The following SDK1 variants were observed in gnomAD, a reference collection of about 807,000 sequenced individuals.
The protein encoded by SDK1 is sidekick cell adhesion molecule 1, also known as protein sidekick-1.
SDK1 carries 157 observed loss-of-function variants against 245.5 expected under a neutral mutation model. That is an observed-to-expected ratio of 0.64 (90% confidence interval 0.56 to 0.73). The LOEUF (loss-of-function observed/expected upper bound fraction) is 0.73, where lower values mean the gene tolerates loss of function less well. Among genes scored for constraint, SDK1 ranks in the 30% least tolerant of loss-of-function variants. SDK1 has a pLI of 0.00. For missense variants in SDK1, 3,583 were observed against 3,002.3 expected, an observed-to-expected ratio of 1.19 and a Z score of -4.52; for synonymous variants, 1,647 against 1,278.5, an observed-to-expected ratio of 1.29 and a Z score of -6.15.
chr7:3,496,723 C>G (rs994005101), intron 1 of SDK1, among the ~76,000 whole-genome samples: 12 of 152,202 alleles, frequency 7.9e-5, no homozygotes, highest in Non-Finnish European at 1.5e-4. Flanking sequence ...CTTTACTTCT[C>G]CGTTCATTTT....
At chr7:3,997,970 C>G (rs557258053) in intron 14 of SDK1, among the ~76,000 whole-genome samples, 1 of 152,234 alleles carries the variant, frequency 6.6e-6, no homozygotes, top group Non-Finnish European at 1.5e-5. Context: ...GGCAGGGGGT[C>G]TTCCTGGGTC....
intron 1 of SDK1, among the ~76,000 whole-genome samples, chr7:3,529,241 G>C (rs560141972): frequency 7.2e-5 from 11 of 152,230 alleles, no homozygotes; most frequent in African/African-American, 2.6e-4. Context: ...GAAGGCCTAG[G>C]AGCAGTCAAT....
At chr7:3,811,276 T>C (rs914532506) in intron 4 of SDK1, among the ~76,000 whole-genome samples, 1 of 152,156 alleles carries the variant, frequency 6.6e-6, no homozygotes, top group Non-Finnish European at 1.5e-5. Context: ...CCAGTTCCAC[T>C]TCTCTTGCCC....
At chr7:3,720,490 C>G (rs1414056585) in intron 4 of SDK1, among the ~76,000 whole-genome samples, 3 of 152,154 alleles carry the variant, frequency 2.0e-5, no homozygotes, top group Non-Finnish European at 2.9e-5. Context: ...TTCAACTTTA[C>G]TAGCCACCAG....
chr7:3,975,465 A>G (rs1490971005), intron 13 of SDK1, among the ~76,000 whole-genome samples: 1 of 152,144 alleles, frequency 6.6e-6, no homozygotes, highest in Non-Finnish European at 1.5e-5. Context: ...TCTGTATTCA[A>G]AATCATTCCC....
At chr7:3,978,196 C>T (rs1346922385) in intron 13 of SDK1, among the ~76,000 whole-genome samples, 3 of 152,114 alleles carry the variant, frequency 2.0e-5, no homozygotes, top group African/African-American at 7.2e-5. Flanking sequence ...TTAGATCATC[C>T]ATCGTTGGTA....
At position 3,672,785 on chromosome 7, in the gene SDK1, AT is replaced by A. The variant is rs1562646755; in HGVS notation, c.713+30681del. Among the ~76,000 whole-genome samples the A allele has an allele frequency of 2.9e-3, 301 of 105,156 alleles. 23 individuals are homozygous for A. The highest frequency in any genetic ancestry group is 1.5e-3 in the Non-Finnish European group (78 of 51,540). 69.0% of individuals were successfully genotyped at this position (105,156 alleles called of 152,430 possible). A position where few individuals can be genotyped will look rare whatever the true frequency, so the allele number is the denominator to read the frequency against. On this transcript the variant is annotated intron_variant, in intron 4 of 44. Transcript: ENST00000404826. ...TATATATATATATATATATATATAT[AT>A]ATATATATAAAAAATACAGAAAGCT...
At chr7:3,582,884 G>C (rs1161754475) in intron 1 of SDK1, among the ~76,000 whole-genome samples, 2 of 152,060 alleles carry the variant, frequency 1.3e-5, no homozygotes, top group Middle Eastern at 3.2e-3. Flanking sequence ...TTATCATTAA[G>C]ACCTCAGAGA....
intron 5 of SDK1, among the ~76,000 whole-genome samples, chr7:3,924,513 G>A (rs1779702252): frequency 6.6e-6 from 1 of 152,170 alleles, no homozygotes; most frequent in South Asian, 2.1e-4. Flanking sequence ...CACATTCACT[G>A]TCAGACGACA....
intron 40 of SDK1, among the ~76,000 whole-genome samples, chr7:4,229,698 T>A (rs560806169): frequency 2.8e-4 from 43 of 152,216 alleles, no homozygotes; most frequent in Non-Finnish European, 5.3e-4. Flanking sequence ...ATCCTTCACT[T>A]TCTTAGTCCC....
At chr7:3,477,085 G>A (rs1781367306) in intron 1 of SDK1, among the ~76,000 whole-genome samples, 1 of 151,834 alleles carries the variant, frequency 6.6e-6, no homozygotes, top group South Asian at 2.1e-4. Flanking sequence ...CTGTACTTTG[G>A]AATTACATGA....
intron 32 of SDK1, among the ~76,000 whole-genome samples, chr7:4,164,494 C>T (rs1279886549): frequency 6.6e-6 from 1 of 152,240 alleles, no homozygotes; most frequent in East Asian, 1.9e-4. Flanking sequence ...GTCCCAAGTG[C>T]TCGTTTCCCA....
rs1338078384 is a variant in SDK1 at position 3,500,136 on chromosome 7, C to T, written c.299-118944C>T. 2.6e-5 allele frequency among the ~76,000 whole-genome samples: 4 copies of T among 152,230 alleles called. No individual in the cohort carries two copies. The East Asian group carries it at 7.7e-4, about 29-fold the overall frequency. ...GGTCTGGTGACAGCCCTCAACTTGT[C>T]TATCGAGTCACATTGCCGAAATGTG... On this transcript the variant is annotated intron_variant, in intron 1 of 44. Coordinates refer to ENST00000404826, the MANE Select transcript of SDK1 (RefSeq NM_152744.4).
At position 4,266,277 on chromosome 7, in the gene SDK1, T is replaced by C; in HGVS notation, c.*893T>C. 5.1e-6 allele frequency: 5 copies of C among 985,450 alleles called. No homozygotes were observed. The highest frequency in any genetic ancestry group is 6.0e-6 in the Non-Finnish European group (5 of 829,896). The allele number at this position is 985,450 out of a possible 1,614,324, so 61.0% of individuals were successfully genotyped here. A position where few individuals can be genotyped will look rare whatever the true frequency, so the allele number is the denominator to read the frequency against. ...TTTTTAAAATCTTTTTATCTTTTTT[T>C]AAACTATGTCACATGAAATGAATGC... is the stretch of plus-strand genomic sequence containing the variant. On this transcript the variant is annotated 3_prime_UTR_variant, in exon 45 of 45. Coordinates refer to ENST00000404826, the MANE Select transcript of SDK1 (RefSeq NM_152744.4).
chr7:4,031,206 T>A (rs902301568), intron 17 of SDK1, among the ~76,000 whole-genome samples: 2 of 152,248 alleles, frequency 1.3e-5, no homozygotes, highest in Non-Finnish European at 2.9e-5. Flanking sequence ...CATCTGTACA[T>A]CCTCACACAT....
At chr7:3,817,673 C>T (rs1209096968) in intron 4 of SDK1, among the ~76,000 whole-genome samples, 1 of 152,182 alleles carries the variant, frequency 6.6e-6, no homozygotes, top group Non-Finnish European at 1.5e-5. Flanking sequence ...CAGTCGATGC[C>T]TAGCAAGGTG....
chr7:4,094,547 T>G (rs1048579056), intron 22 of SDK1, among the ~76,000 whole-genome samples: 1 of 151,766 alleles, frequency 6.6e-6, no homozygotes, highest in African/African-American at 2.4e-5. Flanking sequence ...CTTCAGTGAG[T>G]AGGAAAGAGA....
chr7:3,366,198 G>A (rs1239769200), intron 1 of SDK1, among the ~76,000 whole-genome samples: 1 of 152,088 alleles, frequency 6.6e-6, no homozygotes, highest in Non-Finnish European at 1.5e-5. Flanking sequence ...TAAATAAAAA[G>A]TTCTACATAG....
At chr7:4,052,792 A>G (rs1023801682) in intron 19 of SDK1, among the ~76,000 whole-genome samples, 1 of 152,182 alleles carries the variant, frequency 6.6e-6, no homozygotes. Flanking sequence ...AATGAAAGTT[A>G]AAACTAGAAT....
Sources: gnomAD v4.1 joint callset for allele counts (sites outside exome capture counted in the v4.1 genomes callset) on GRCh38, gnomAD v4.1.1 for gene constraint, MANE v1.5 for transcripts, NCBI Gene and HGNC (gene_info 2026-07-23, HGNC 2026-07-21) for gene names.